The following IQCK variants were observed in gnomAD, a reference collection of about 807,000 sequenced individuals.
The protein encoded by IQCK is IQ domain-containing protein K.
In IQCK, 29 loss-of-function variants were observed where a neutral mutation model predicts 28.1. That is an observed-to-expected ratio of 1.03 (90% confidence interval 0.77 to 1.41). The LOEUF is 1.41. Ranked by LOEUF, IQCK falls within the 40% of genes most tolerant of loss-of-function variation. The pLI, the probability that IQCK is intolerant of heterozygous loss-of-function variation, is 0.00. For missense variants in IQCK, 359 were observed against 314.7 expected (o/e 1.14, Z -1.07); for synonymous variants, 113 against 115.1 (o/e 0.98, Z 0.12).
At chr16:19,742,077 C>T (rs1225398671) in intron 4 of IQCK, among the ~76,000 whole-genome samples, 6 of 152,190 alleles carry the variant, frequency 3.9e-5, no homozygotes, top group Non-Finnish European at 8.8e-5. Flanking sequence ...TCCTGCTAGA[C>T]TGCTTCCTTG....
intron 9 of IQCK, among the ~76,000 whole-genome samples, chr16:19,852,248 A>G (rs1477058990): frequency 1.3e-5 from 2 of 152,104 alleles, no homozygotes; most frequent in Non-Finnish European, 2.9e-5. Flanking sequence ...GGGGGGTGAA[A>G]TATGCGTACA....
At chr16:19,779,257 A>T (rs898514552) in intron 6 of IQCK, among the ~76,000 whole-genome samples, 1 of 152,216 alleles carries the variant, frequency 6.6e-6, no homozygotes, top group African/African-American at 2.4e-5. Context: ...TGATGCCCTC[A>T]TGGAGAGGAG....
chr16:19,761,043 T>G (rs1339142930), intron 4 of IQCK: 3 of 183,826 alleles, frequency 1.6e-5, no homozygotes, highest in Non-Finnish European at 3.5e-5. Context: ...GCGCTTTGAC[T>G]GGCTTCTTTA....
intron 7 of IQCK, chr16:19,789,242 A>G (rs1168148126): frequency 7.8e-6 from 1 of 128,254 alleles, no homozygotes; most frequent in Non-Finnish European, 1.5e-5. Flanking sequence ...AAGAAAAAAG[A>G]AAAAGAAAAA....
intron 1 of IQCK, among the ~76,000 whole-genome samples, chr16:19,726,687 T>C (rs192448067): frequency 6.6e-6 from 1 of 152,322 alleles, no homozygotes; most frequent in East Asian, 1.9e-4. Flanking sequence ...ACAATAGATA[T>C]AAATGAATGA....
chr16:19,759,010 A>G (rs985114733), intron 4 of IQCK, among the ~76,000 whole-genome samples: 1 of 152,210 alleles, frequency 6.6e-6, no homozygotes, highest in Non-Finnish European at 1.5e-5. Context: ...ACATTTTCCT[A>G]GTAAAATATT....
At chr16:19,858,176 AG>A in exon 10 of IQCK, 1 of 255,464 alleles carries the variant, frequency 3.9e-6, no homozygotes, top group Non-Finnish European at 7.4e-6. Flanking sequence ...GATACTTTTC[AG>A]GTGTAGTCAT....
chr16:19,769,848 C>T (rs571839975), intron 6 of IQCK, among the ~76,000 whole-genome samples: 1 of 151,882 alleles, frequency 6.6e-6, no homozygotes, highest in African/African-American at 2.4e-5. Flanking sequence ...TGAGTTAGGG[C>T]CATGTTAGTG....
At chr16:19,843,466 TA>T (rs1204898770) in intron 9 of IQCK, among the ~76,000 whole-genome samples, 3 of 152,264 alleles carry the variant, frequency 2.0e-5, no homozygotes. Flanking sequence ...AATCATTCAA[TA>T]TGTAATCCTT....
intron 6 of IQCK, among the ~76,000 whole-genome samples, chr16:19,766,903 C>T (rs1312975553): frequency 6.6e-6 from 1 of 152,200 alleles, no homozygotes; most frequent in African/African-American, 2.4e-5. Context: ...AACCCCATCT[C>T]CGCTAAAAAT....
chr16:19,815,931 C>G (rs961376299), intron 7 of IQCK, among the ~76,000 whole-genome samples: 5 of 152,162 alleles, frequency 3.3e-5, no homozygotes, highest in Non-Finnish European at 7.3e-5. Flanking sequence ...CCAGTATAAT[C>G]ATTAGTATGT....
At chr16:19,756,914 A>AAG (rs71146270) in intron 4 of IQCK, among the ~76,000 whole-genome samples, 3 of 150,752 alleles carry the variant, frequency 2.0e-5, no homozygotes, top group Middle Eastern at 3.2e-3. Context: ...AAAAAAAAAA[A>AAG]GAAAGAGGCT....
chr16:19,834,866 C>T (rs2056275623), intron 9 of IQCK, among the ~76,000 whole-genome samples: 1 of 152,006 alleles, frequency 6.6e-6, no homozygotes, highest in Non-Finnish European at 1.5e-5. Flanking sequence ...CCTTTGTGAC[C>T]AACAGTCTAT....
At chr16:19,719,697 C>T (rs1168179738) in intron 1 of IQCK, among the ~76,000 whole-genome samples, 1 of 120,558 alleles carries the variant, frequency 8.3e-6, no homozygotes, top group Admixed American at 9.7e-5. Context: ...TTTTTTGAGA[C>T]GGCATGTTGC....
intron 2 of IQCK, among the ~76,000 whole-genome samples, chr16:19,733,162 A>G: frequency 6.7e-6 from 1 of 149,718 alleles, no homozygotes; most frequent in African/African-American, 2.5e-5. Context: ...TTTGAGATGG[A>G]GTTTCACTCT....
At chr16:19,770,903 G>A (rs755564833) in intron 6 of IQCK, among the ~76,000 whole-genome samples, 4 of 152,076 alleles carry the variant, frequency 2.6e-5, no homozygotes, top group African/African-American at 4.8e-5. Flanking sequence ...GATTACAGGC[G>A]TGAGCCATCT....
chr16:19,782,123 A>G (rs146817632), intron 6 of IQCK, among the ~76,000 whole-genome samples: 21 of 152,292 alleles, frequency 1.4e-4, no homozygotes, highest in African/African-American at 5.1e-4. Flanking sequence ...GTGTATTGCA[A>G]AACTTCATGA....
chr16:19,818,776 ACAAT>A (rs764232671), intron 7 of IQCK, among the ~76,000 whole-genome samples: 2 of 152,152 alleles, frequency 1.3e-5, no homozygotes, highest in Non-Finnish European at 2.9e-5. Context: ...TTAGCTGAAA[ACAAT>A]CAATCTTCTT....
chr16:19,751,948 G>C (rs979415882), intron 4 of IQCK, among the ~76,000 whole-genome samples: 1 of 152,138 alleles, frequency 6.6e-6, no homozygotes, highest in African/African-American at 2.4e-5. Context: ...GAGTTGGAAG[G>C]GGAAAAGGTT....
Sources: allele counts gnomAD v4.1 joint callset (sites outside exome capture counted in the v4.1 genomes callset), GRCh38; gene constraint gnomAD v4.1.1; transcripts MANE v1.5; gene names NCBI Gene and HGNC (gene_info 2026-07-23, HGNC 2026-07-21).